Variants in SNTG2 observed in about 807,000 individuals in gnomAD.
SNTG2 encodes gamma-2-syntrophin.
In SNTG2, 74 loss-of-function variants were observed where a neutral mutation model predicts 70.9. The observed-to-expected ratio is 1.04, with a 90% confidence interval of 0.86 to 1.27. The LOEUF (loss-of-function observed/expected upper bound fraction) is 1.27, where lower values mean the gene tolerates loss of function less well. Ranked by LOEUF, SNTG2 falls within the 50% of genes most tolerant of loss-of-function variation. The probability of loss-of-function intolerance (pLI) is 0.00; values close to 1 mark genes in which losing one functional copy is unlikely to be tolerated. For missense variants in SNTG2, 717 were observed against 690.7 expected (o/e 1.04, Z -0.43); for synonymous variants, 278 against 273.8 (o/e 1.02, Z -0.15).
intron 1 of SNTG2, among the ~76,000 whole-genome samples, chr2:1,004,307 A>G (rs1292477752): frequency 6.6e-6 from 1 of 152,232 alleles, no homozygotes; most frequent in African/African-American, 2.4e-5. Context: ...CAAAAGTACA[A>G]TCCATGAAAG....
At chr2:974,287 C>T (rs1178238645) in intron 1 of SNTG2, among the ~76,000 whole-genome samples, 1 of 152,170 alleles carries the variant, frequency 6.6e-6, no homozygotes, top group Admixed American at 6.5e-5. Context: ...AGCTTTGCCC[C>T]ATGTTCATGC....
chr2:1,119,781 C>CA (rs1035800837), intron 4 of SNTG2, among the ~76,000 whole-genome samples: 9 of 150,706 alleles, frequency 6.0e-5, no homozygotes, highest in Admixed American at 2.6e-4. Flanking sequence ...CTGCAAACAA[C>CA]AAAAAAAATA....
intron 1 of SNTG2, among the ~76,000 whole-genome samples, chr2:963,232 C>T (rs1572168466): frequency 6.6e-6 from 1 of 151,964 alleles, no homozygotes; most frequent in East Asian, 1.9e-4. Context: ...AAAATAGGTA[C>T]TTTTGAAAAT....
At chr2:986,581 C>T (rs961013420) in intron 1 of SNTG2, among the ~76,000 whole-genome samples, 3 of 152,330 alleles carry the variant, frequency 2.0e-5, no homozygotes, top group East Asian at 3.9e-4. Context: ...TAAGAAGGAT[C>T]GGCATACCAG....
chr2:1,119,961 T>C (rs1469241767), intron 4 of SNTG2, among the ~76,000 whole-genome samples: 2 of 152,134 alleles, frequency 1.3e-5, no homozygotes, highest in African/African-American at 2.4e-5. Flanking sequence ...AATGATCACC[T>C]TGAATATTAC....
intron 1 of SNTG2, among the ~76,000 whole-genome samples, chr2:999,109 A>T (rs541318971): frequency 3.9e-5 from 6 of 152,264 alleles, no homozygotes; most frequent in Admixed American, 1.3e-4. Flanking sequence ...AGTAATTTTC[A>T]CCAAGAGACT....
intron 6 of SNTG2, among the ~76,000 whole-genome samples, chr2:1,164,682 G>T (rs1019526365): frequency 1.3e-5 from 2 of 151,778 alleles, no homozygotes; most frequent in Non-Finnish European, 2.9e-5. Context: ...ATGAAGTAAG[G>T]CAGGAACCTG....
At chr2:1,030,278 G>T (rs538573235) in intron 1 of SNTG2, among the ~76,000 whole-genome samples, 11 of 152,194 alleles carry the variant, frequency 7.2e-5, no homozygotes, top group Non-Finnish European at 1.3e-4. Flanking sequence ...GTGTGTTAGA[G>T]ACGTGCTTCG....
At chr2:1,139,270 G>A (rs6760313) in intron 6 of SNTG2, among the ~76,000 whole-genome samples, 28,438 of 152,024 alleles carry the variant, frequency 0.19, 2,755 homozygotes, top group Non-Finnish European at 0.22. Flanking sequence ...TTGTTCTGTC[G>A]CCCAGTGTAG....
intron 4 of SNTG2, chr2:1,103,310 T>C (rs1326124931): frequency 1.2e-5 from 3 of 243,298 alleles, no homozygotes; most frequent in African/African-American, 7.1e-5. Flanking sequence ...TTCTTGACAT[T>C]AAATATCAAT....
At chr2:1,222,541 G>C (rs1241897807) in intron 9 of SNTG2, among the ~76,000 whole-genome samples, 3 of 115,110 alleles carry the variant, frequency 2.6e-5, no homozygotes, top group Admixed American at 8.7e-5. Context: ...GGAGGTGCTG[G>C]ATCGCTGTAG....
Position 1,058,360 on chromosome 2 carries a change from C to G in SNTG2, c.73-25158C>G, listed in dbSNP as rs182126077. On this transcript the variant is annotated intron_variant, in intron 1 of 16. Transcript: ENST00000308624. ...TTTTTTTAAAAAAGCAAACAACACACCAGTAGTGTTAAATGAATAAAGGAC... is the reference window on the plus strand; with the variant it reads ...TTTTTTTAAAAAAGCAAACAACACAGCAGTAGTGTTAAATGAATAAAGGAC... 7.6e-4 allele frequency among the ~76,000 whole-genome samples: 115 copies of G among 152,168 alleles called. 1 individual carries two copies. Among genetic ancestry groups the G allele is most frequent in the East Asian group, 5.6e-3 (29 of 5,176 alleles).
At chr2:1,029,582 T>C (rs10203650) in intron 1 of SNTG2, among the ~76,000 whole-genome samples, 125,048 of 152,224 alleles carry the variant, frequency 0.82, 52,466 homozygotes, top group African/African-American at 0.94. Flanking sequence ...ACACATGAGT[T>C]CTCCATAGTT....
chr2:1,112,161 G>T (rs1666510611), intron 4 of SNTG2, among the ~76,000 whole-genome samples: 1 of 151,516 alleles, frequency 6.6e-6, no homozygotes, highest in East Asian at 1.9e-4. Flanking sequence ...ACTGCTTTGA[G>T]AAGGATCGTG....
intron 1 of SNTG2, among the ~76,000 whole-genome samples, chr2:1,056,921 G>GGAGT (rs1453974927): frequency 1.5e-5 from 1 of 65,390 alleles, no homozygotes; most frequent in Non-Finnish European, 3.2e-5. Context: ...TGTGCTGTGG[G>GGAGT]GAGGGAGGGA....
At chr2:1,222,073 GTCTCTGTCTC>G (rs1675150911) in intron 9 of SNTG2, among the ~76,000 whole-genome samples, 2 of 4,638 alleles carry the variant, frequency 4.3e-4, no homozygotes, top group Non-Finnish European at 8.2e-4. Context: ...GTTTCTCTCT[GTCTCTGTCTC>G]TGTCTCTCTC....
chr2:1,209,485 C>A (rs28588002), intron 9 of SNTG2, among the ~76,000 whole-genome samples: 26,420 of 152,138 alleles, frequency 0.17, 4,458 homozygotes, highest in African/African-American at 0.44. Flanking sequence ...TTCTCATGAA[C>A]CAGTCATTAG....
chr2:1,135,088 T>C (rs1052604549), intron 4 of SNTG2, among the ~76,000 whole-genome samples: 1 of 152,166 alleles, frequency 6.6e-6, no homozygotes, highest in Non-Finnish European at 1.5e-5. Flanking sequence ...AGCACTGCCC[T>C]ATGTGCGTTT....
intron 1 of SNTG2, among the ~76,000 whole-genome samples, chr2:962,733 C>A (rs1190687202): frequency 1.3e-5 from 2 of 152,174 alleles, no homozygotes; most frequent in East Asian, 3.9e-4. Context: ...AATGAAGCCA[C>A]ATAAAACCAA....
Sources: allele counts gnomAD v4.1 joint callset (sites outside exome capture counted in the v4.1 genomes callset), GRCh38; gene constraint gnomAD v4.1.1; transcripts MANE v1.5; gene names NCBI Gene and HGNC (gene_info 2026-07-23, HGNC 2026-07-21).